LRRC4C: variants seen among roughly 807,000 people sequenced by gnomAD.
LRRC4C encodes leucine-rich repeat-containing protein 4C.
In LRRC4C, 5 loss-of-function variants were observed where a neutral mutation model predicts 33.6. The ratio of observed to expected loss-of-function variants is 0.15; its 90% confidence interval spans 0.08 to 0.31. The LOEUF (loss-of-function observed/expected upper bound fraction) is 0.31, where lower values mean the gene tolerates loss of function less well. LRRC4C is among the 10% of genes least tolerant of loss of function. LRRC4C has a pLI of 1.00. For missense variants in LRRC4C, 560 were observed against 796.7 expected (o/e 0.70, Z 3.58); for synonymous variants, 329 against 302.0 (o/e 1.09, Z -0.93).
intron 3 of LRRC4C, among the ~76,000 whole-genome samples, chr11:40,497,144 G>A (rs541837882): frequency 1.3e-4 from 20 of 152,070 alleles, no homozygotes; most frequent in Non-Finnish European, 5.9e-5. Context: ...AGTGGCTCAC[G>A]CCTGTAATCC....
chr11:40,992,599 C>T (rs1261675019), intron 1 of LRRC4C, among the ~76,000 whole-genome samples: 2 of 152,058 alleles, frequency 1.3e-5, no homozygotes, highest in African/African-American at 2.4e-5. Flanking sequence ...TCTTAAGAAA[C>T]TTCATTACAT....
chr11:41,086,066 C>T (rs1235605252), intron 1 of LRRC4C, among the ~76,000 whole-genome samples: 1 of 151,882 alleles, frequency 6.6e-6, no homozygotes, highest in Non-Finnish European at 1.5e-5. Context: ...TTAAGTGTAC[C>T]CAATCTGAAT....
intron 2 of LRRC4C, among the ~76,000 whole-genome samples, chr11:40,904,439 T>C (rs1205993073): frequency 6.6e-6 from 1 of 152,118 alleles, no homozygotes; most frequent in East Asian, 1.9e-4. Context: ...TAAAAGAAAA[T>C]ATTATTTTGT....
At chr11:41,157,401 T>G (rs1374734882) in intron 1 of LRRC4C, among the ~76,000 whole-genome samples, 1 of 152,110 alleles carries the variant, frequency 6.6e-6, no homozygotes, top group Non-Finnish European at 1.5e-5. Context: ...TCTAAGGCTT[T>G]TGTAAAAGTC....
chr11:40,129,158 T>G (rs1165112329), intron 6 of LRRC4C, among the ~76,000 whole-genome samples: 2 of 152,174 alleles, frequency 1.3e-5, no homozygotes, highest in Middle Eastern at 3.2e-3. Context: ...GTCAAGGCTG[T>G]AAACGCACTA....
chr11:40,706,642 C>G (rs1439985918), intron 2 of LRRC4C, among the ~76,000 whole-genome samples: 2 of 152,150 alleles, frequency 1.3e-5, no homozygotes, highest in East Asian at 3.9e-4. Context: ...GTCAGGTAGC[C>G]TGATGCCTCC....
At chr11:40,626,691 A>T (rs896682682) in intron 3 of LRRC4C, among the ~76,000 whole-genome samples, 2 of 152,200 alleles carry the variant, frequency 1.3e-5, no homozygotes, top group African/African-American at 4.8e-5. Flanking sequence ...CTCCACATAC[A>T]GTCCTAATAT....
chr11:40,642,023 T>TC (rs1317819866), intron 3 of LRRC4C, among the ~76,000 whole-genome samples: 1 of 134,326 alleles, frequency 7.4e-6, no homozygotes, highest in Non-Finnish European at 1.6e-5. Context: ...ACAGGCTGCT[T>TC]TTTTTTTTTT....
chr11:40,800,984 T>C (rs1002972713), intron 2 of LRRC4C, among the ~76,000 whole-genome samples: 6 of 152,120 alleles, frequency 3.9e-5, no homozygotes, highest in African/African-American at 7.2e-5. Context: ...GCCTTCCCCA[T>C]TGTCTTTCCT....
chr11:40,244,521 CTT>C (rs1866174594), intron 4 of LRRC4C, among the ~76,000 whole-genome samples: 1 of 152,160 alleles, frequency 6.6e-6, no homozygotes, highest in South Asian at 2.1e-4. Flanking sequence ...GCCCAAGAGA[CTT>C]TGTTCCAGGC....
intron 3 of LRRC4C, among the ~76,000 whole-genome samples, chr11:40,488,572 A>C (rs1313159311): frequency 6.6e-6 from 1 of 152,038 alleles, no homozygotes; most frequent in Non-Finnish European, 1.5e-5. Context: ...TATTCCTCCT[A>C]CATTTGAACT....
intron 2 of LRRC4C, among the ~76,000 whole-genome samples, chr11:40,795,410 G>T (rs919993686): frequency 1.3e-5 from 2 of 152,012 alleles, no homozygotes; most frequent in Non-Finnish European, 2.9e-5. Flanking sequence ...GGTGCCTGTA[G>T]TCCCAGCTAC....
chr11:41,051,015 A>G (rs1281854869), intron 1 of LRRC4C, among the ~76,000 whole-genome samples: 1 of 152,172 alleles, frequency 6.6e-6, no homozygotes, highest in East Asian at 1.9e-4. Flanking sequence ...GGGAGCTTGT[A>G]ATAAACTTAC....
intron 1 of LRRC4C, among the ~76,000 whole-genome samples, chr11:41,124,208 T>C (rs1942622310): frequency 6.6e-6 from 1 of 152,144 alleles, no homozygotes; most frequent in East Asian, 1.9e-4. Flanking sequence ...CCATACCAGA[T>C]AGAGAAGTTA....
At chr11:40,796,366 C>T (rs926933944) in intron 2 of LRRC4C, among the ~76,000 whole-genome samples, 1 of 152,096 alleles carries the variant, frequency 6.6e-6, no homozygotes, top group Non-Finnish European at 1.5e-5. Context: ...TCATATAAAT[C>T]CACCTAAGGA....
intron 1 of LRRC4C, among the ~76,000 whole-genome samples, chr11:41,307,733 T>C (rs1010585789): frequency 6.6e-6 from 1 of 152,196 alleles, no homozygotes; most frequent in Non-Finnish European, 1.5e-5. Context: ...TCAGCCACAA[T>C]AGGAGACACA....
intron 1 of LRRC4C, among the ~76,000 whole-genome samples, chr11:41,400,098 G>A (rs1953968326): frequency 6.6e-6 from 1 of 151,884 alleles, no homozygotes; most frequent in Non-Finnish European, 1.5e-5. Flanking sequence ...TAAGAGATGA[G>A]GCTCTCAGGA....
At chr11:40,650,459 C>A (rs1273155446) in intron 2 of LRRC4C, among the ~76,000 whole-genome samples, 2 of 152,126 alleles carry the variant, frequency 1.3e-5, no homozygotes, top group Admixed American at 6.6e-5. Context: ...TATGTATATG[C>A]TGTTTCCTTG....
chr11:40,851,564 C>T (rs1007362570), intron 2 of LRRC4C, among the ~76,000 whole-genome samples: 14 of 151,964 alleles, frequency 9.2e-5, no homozygotes, highest in African/African-American at 2.4e-4. Flanking sequence ...AGCTGTAGAC[C>T]GGAGCTGTTC....
Sources: allele counts gnomAD v4.1 joint callset (sites outside exome capture counted in the v4.1 genomes callset), GRCh38; gene constraint gnomAD v4.1.1; transcripts MANE v1.5; gene names NCBI Gene and HGNC (gene_info 2026-07-23, HGNC 2026-07-21).